DLGAP2: variants seen among roughly 807,000 people sequenced by gnomAD.
DLGAP2 encodes the protein disks large-associated protein 2.
In DLGAP2, 26 loss-of-function variants were observed where a neutral mutation model predicts 100.3. That is an observed-to-expected ratio of 0.26 (90% confidence interval 0.19 to 0.36). The LOEUF (loss-of-function observed/expected upper bound fraction) is 0.36, where lower values mean the gene tolerates loss of function less well. Ranked by LOEUF, DLGAP2 falls within the 10% of genes least tolerant of loss-of-function variation. The pLI is 1.00. For missense variants in DLGAP2, 1,858 were observed against 1,453.2 expected (o/e 1.28, Z -4.53); for synonymous variants, 886 against 630.1 (o/e 1.41, Z -6.08).
intron 3 of DLGAP2, chr8:1,300,131 T>C (rs1400688281): frequency 6.6e-6 from 1 of 152,218 alleles, no homozygotes; most frequent in Non-Finnish European, 1.5e-5. Flanking sequence ...GGCATTGGGT[T>C]CAGCATATCG....
intron 12 of DLGAP2, among the ~76,000 whole-genome samples, chr8:1,683,858 G>GTATA (rs1563061149): frequency 3.7e-5 from 1 of 26,824 alleles, no homozygotes; most frequent in South Asian, 1.9e-3. Context: ...ATATATATAT[G>GTATA]TGTGTGTGTG....
intron 12 of DLGAP2, among the ~76,000 whole-genome samples, chr8:1,685,879 C>G (rs1211678478): frequency 6.6e-6 from 1 of 152,204 alleles, no homozygotes; most frequent in Non-Finnish European, 1.5e-5. Context: ...GATGAGATGT[C>G]ACCTCATCCC....
intron 3 of DLGAP2, among the ~76,000 whole-genome samples, chr8:1,487,690 C>T (rs1799265165): frequency 6.6e-6 from 1 of 152,170 alleles, no homozygotes; most frequent in East Asian, 1.9e-4. Flanking sequence ...TGTGATTCTC[C>T]TGCCTGGCTA....
intron 2 of DLGAP2, among the ~76,000 whole-genome samples, chr8:936,716 G>A (rs1294587070): frequency 1.3e-5 from 2 of 152,164 alleles, no homozygotes; most frequent in Non-Finnish European, 2.9e-5. Flanking sequence ...TTTAGTTGCT[G>A]TTGGGCACTT....
At chr8:1,563,305 G>A (rs1426255768) in intron 5 of DLGAP2, among the ~76,000 whole-genome samples, 1 of 49,338 alleles carries the variant, frequency 2.0e-5, no homozygotes. Flanking sequence ...TGTGGTGTTG[G>A]GGTGTCCGTG....
intron 3 of DLGAP2, among the ~76,000 whole-genome samples, chr8:1,266,945 T>C (rs1400815265): frequency 6.6e-6 from 1 of 151,890 alleles, no homozygotes; most frequent in Admixed American, 6.6e-5. Flanking sequence ...GTATTAAAAA[T>C]AAAAAGGGCG....
chr8:1,227,335 T>C (rs150660091), intron 2 of DLGAP2, among the ~76,000 whole-genome samples: 4,108 of 151,070 alleles, frequency 0.027, 57 homozygotes, highest in Middle Eastern at 0.076. Context: ...AAAGTCTGTT[T>C]TTATTTTTTT....
chr8:1,277,354 T>G (rs578168082), intron 3 of DLGAP2, among the ~76,000 whole-genome samples: 26 of 152,278 alleles, frequency 1.7e-4, no homozygotes, highest in African/African-American at 6.0e-4. Flanking sequence ...CAGCCTGTTT[T>G]TGGTAGGCTC....
chr8:1,295,021 A>G (rs1355935980), intron 3 of DLGAP2, among the ~76,000 whole-genome samples: 3 of 152,212 alleles, frequency 2.0e-5, no homozygotes, highest in Non-Finnish European at 2.9e-5. Flanking sequence ...CATTGTTAAT[A>G]GAAGGGTGAT....
At position 1,436,121 on chromosome 8, in the gene DLGAP2, T is replaced by G. The variant is rs187715674; in HGVS notation, c.107-65245T>G. ...TGAAAGGGAGTTTATTGAGGAGAATTGACTCACAACCACAAGGTGAACTCC... is the reference window on the plus strand; with the variant it reads ...TGAAAGGGAGTTTATTGAGGAGAATGGACTCACAACCACAAGGTGAACTCC... On this transcript the variant is annotated intron_variant, in intron 3 of 14. Transcript: ENST00000637795. Among the ~76,000 whole-genome samples, 235 of 152,184 alleles carry G rather than the reference T, an allele frequency of 1.5e-3. 1 individual carries two copies. Among genetic ancestry groups the G allele is most frequent in the African/African-American group, 5.4e-3 (223 of 41,530 alleles).
chr8:1,175,831 C>T lies in DLGAP2; in HGVS notation c.74-83020C>T, dbSNP rs531729874. Among the ~76,000 whole-genome samples, 18 of 152,284 alleles carry T rather than the reference C, an allele frequency of 1.2e-4. 1 individual carries two copies. In the East Asian group the frequency reaches 2.5e-3, roughly 21 times the overall value. On this transcript the variant is annotated intron_variant, in intron 2 of 14. Transcript: ENST00000637795. ...GGCATGTAGTATAGAGGAAGGCACT[C>T]GGCATTGGATTTACACAAACCTAGA...
intron 3 of DLGAP2, among the ~76,000 whole-genome samples, chr8:1,440,882 C>G (rs1043117450): frequency 6.6e-6 from 1 of 152,214 alleles, no homozygotes; most frequent in African/African-American, 2.4e-5. Context: ...ACATCCTAAA[C>G]TGCTACTTTC....
At chr8:1,134,943 G>C (rs937006930) in intron 2 of DLGAP2, among the ~76,000 whole-genome samples, 1 of 152,190 alleles carries the variant, frequency 6.6e-6, no homozygotes, top group Non-Finnish European at 1.5e-5. Context: ...TACAAGATGA[G>C]ATTTGGGTGG....
intron 1 of DLGAP2, among the ~76,000 whole-genome samples, chr8:751,430 T>C (rs994970118): frequency 2.0e-5 from 3 of 152,234 alleles, no homozygotes; most frequent in African/African-American, 7.2e-5. Context: ...GCGCCATCTG[T>C]CCTCACTCGG....
chr8:1,451,206 C>G (rs1396811453), intron 3 of DLGAP2, among the ~76,000 whole-genome samples: 1 of 152,168 alleles, frequency 6.6e-6, no homozygotes. Context: ...AGCCTGGTTC[C>G]TCCTTCTACA....
chr8:1,546,794 C>A (rs553824199), intron 4 of DLGAP2, among the ~76,000 whole-genome samples: 3 of 151,904 alleles, frequency 2.0e-5, no homozygotes, highest in African/African-American at 7.3e-5. Flanking sequence ...AGGGTGGTGG[C>A]GAGAGAGGAG....
intron 8 of DLGAP2, among the ~76,000 whole-genome samples, chr8:1,638,847 A>G (rs4876113): frequency 0.35 from 53,963 of 152,202 alleles, 12,183 homozygotes; most frequent in African/African-American, 0.65. Flanking sequence ...CAGAGAAGGC[A>G]GCGGATGCAT....
chr8:1,427,388 T>A (rs1357655764), intron 3 of DLGAP2, among the ~76,000 whole-genome samples: 1 of 152,190 alleles, frequency 6.6e-6, no homozygotes, highest in Non-Finnish European at 1.5e-5. Flanking sequence ...ACAAAATCAA[T>A]TACAAACATT....
chr8:1,691,413 G>A (rs992849235), intron 12 of DLGAP2, 122 bp from the exon 13 acceptor site: 2 of 784,586 alleles, frequency 2.5e-6, no homozygotes, highest in Middle Eastern at 3.0e-4. Flanking sequence ...CGCTCGGCAC[G>A]ATGAAGTCGT....
Sources: allele counts gnomAD v4.1 joint callset (sites outside exome capture counted in the v4.1 genomes callset), GRCh38; gene constraint gnomAD v4.1.1; transcripts MANE v1.5; gene names NCBI Gene and HGNC (gene_info 2026-07-23, HGNC 2026-07-21).